The following FAM53B variants were observed in gnomAD, a reference collection of about 807,000 sequenced individuals.
The protein encoded by FAM53B is family with sequence similarity 53 member B, also known as protein FAM53B.
FAM53B carries 12 observed loss-of-function variants against 32.7 expected under a neutral mutation model. The observed-to-expected ratio is 0.37, with a 90% CI of 0.24 to 0.59. The LOEUF (loss-of-function observed/expected upper bound fraction) is 0.59, where lower values mean the gene tolerates loss of function less well. Ranked by LOEUF, FAM53B falls within the 20% of genes least tolerant of loss-of-function variation. The pLI is 0.72. For missense variants in FAM53B, 477 were observed against 577.7 expected (o/e 0.83, Z 1.79); for synonymous variants, 234 against 228.7 (o/e 1.02, Z -0.21).
intron 1 of FAM53B, among the ~76,000 whole-genome samples, chr10:124,728,819 G>A (rs759684095): frequency 8.5e-5 from 13 of 152,220 alleles, no homozygotes; most frequent in Non-Finnish European, 1.5e-4. Flanking sequence ...TGATAAAAAT[G>A]TCATCAGGGA....
chr10:124,676,086 G>A (rs1266560236), intron 4 of FAM53B, among the ~76,000 whole-genome samples: 3 of 152,210 alleles, frequency 2.0e-5, no homozygotes, highest in Non-Finnish European at 4.4e-5. Flanking sequence ...CCTAAACTCT[G>A]ACAGCCCAGG....
chr10:124,738,803 GA>G (rs554850382), intron 1 of FAM53B, among the ~76,000 whole-genome samples: 6 of 151,478 alleles, frequency 4.0e-5, no homozygotes, highest in East Asian at 1.9e-4. Flanking sequence ...AATGCAAAAA[GA>G]AAAAAAAGTT....
intron 4 of FAM53B, among the ~76,000 whole-genome samples, chr10:124,661,868 G>T (rs1456793671): frequency 6.6e-6 from 1 of 152,226 alleles, no homozygotes; most frequent in Non-Finnish European, 1.5e-5. Flanking sequence ...GGCTCTGACG[G>T]CTGGCCTAGC....
intron 2 of FAM53B, among the ~76,000 whole-genome samples, chr10:124,705,259 C>CAGAG (rs1949945959): frequency 6.6e-6 from 1 of 152,154 alleles, no homozygotes; most frequent in Admixed American, 6.5e-5. Context: ...AGGCAACAGG[C>CAGAG]AGAGGCCTGA....
At chr10:124,648,475 T>G (rs538208052) in intron 4 of FAM53B, among the ~76,000 whole-genome samples, 1 of 152,202 alleles carries the variant, frequency 6.6e-6, no homozygotes, top group Non-Finnish European at 1.5e-5. Context: ...TCCCCGCTCC[T>G]TGGGAGCCTC....
chr10:124,646,115 T>C (rs966210606), intron 4 of FAM53B, among the ~76,000 whole-genome samples: 7 of 152,178 alleles, frequency 4.6e-5, no homozygotes, highest in Admixed American at 3.3e-4. Context: ...TGAGGACCAC[T>C]TGTCATGACT....
At chr10:124,644,398 C>G (rs1246470453) in intron 4 of FAM53B, among the ~76,000 whole-genome samples, 1 of 152,196 alleles carries the variant, frequency 6.6e-6, no homozygotes, top group Non-Finnish European at 1.5e-5. Flanking sequence ...CCAATTAGAA[C>G]CCCCAGAGAC....
At chr10:124,712,509 A>G (rs1181534955) in intron 1 of FAM53B, among the ~76,000 whole-genome samples, 1 of 152,192 alleles carries the variant, frequency 6.6e-6, no homozygotes, top group Non-Finnish European at 1.5e-5. Flanking sequence ...CACAAGTAGC[A>G]ATCGTGGGCC....
At chr10:124,703,347 C>T (rs569527741) in intron 2 of FAM53B, among the ~76,000 whole-genome samples, 82 of 152,270 alleles carry the variant, frequency 5.4e-4, no homozygotes, top group African/African-American at 1.8e-3. Flanking sequence ...CATGCCTGGC[C>T]GGTGCCATAC....
chr10:124,622,892 C>A lies in FAM53B; in HGVS notation c.*350G>T. On this transcript the variant is annotated 3_prime_UTR_variant, in exon 5 of 5. Coordinates refer to ENST00000337318, the MANE Select transcript of FAM53B (RefSeq NM_014661.4). ...GACAGCCCCCACCACCAGGGGGATA[C>A]AGAGCGGTGCCCAGCTCTGCCGGGG... The A allele has an allele frequency of 5.0e-6, 1 of 198,410 alleles. No homozygotes were observed. 12.3% of individuals were successfully genotyped at this position (198,410 alleles called of 1,614,324 possible).
At position 124,729,390 on chromosome 10, in the gene FAM53B, C is replaced by G. The variant is rs532595498; in HGVS notation, c.-175+14623G>C. 2.2e-3 allele frequency among the ~76,000 whole-genome samples: 333 copies of G among 152,318 alleles called. 4 individuals are homozygous for G. The highest frequency in any genetic ancestry group is 0.02 in the South Asian group (97 of 4,826). ...AAGGCTATTCTTTTCCCTTTTAAAG[C>G]ATGTGGGGAAAAAATTTTCCACGTA... On this transcript the variant is annotated intron_variant, in intron 1 of 4. Coordinates refer to ENST00000337318, the MANE Select transcript of FAM53B (RefSeq NM_014661.4).
In FAM53B at chr10:124,682,153, G is replaced by A. The variant is rs770909908; in HGVS notation, c.360C>T (p.Ser120=). 13 of 1,613,368 alleles carry A rather than the reference G, an allele frequency of 8.1e-6. No homozygotes were observed. The highest frequency in any genetic ancestry group is 1.6e-4 in the Middle Eastern group (1 of 6,082). The change falls in exon 4 of 5, where the codon TCC becomes TCT. Residue 120 remains serine (S), a synonymous_variant. Coordinates refer to ENST00000337318, the MANE Select transcript of FAM53B (RefSeq NM_014661.4). The surrounding 1 kb of genome is among the most constrained non-coding windows in gnomAD (Gnocchi z 5.2). ...ATGTCCGGCAACTGGACATCTCATCGGAGAAGGACAGTGAGCGGCACTGGC... is the reference window on the plus strand; with the variant it reads ...ATGTCCGGCAACTGGACATCTCATCAGAGAAGGACAGTGAGCGGCACTGGC... The part of the protein sequence containing the change: ...SKRQCRSLSF[S]DEMSSCRTSW...
At chr10:124,623,689 C>T (rs1949327591) in intron 4 of FAM53B, 85 bp from the exon 5 acceptor site, 2 of 1,453,378 alleles carry the variant, frequency 1.4e-6, no homozygotes, top group Admixed American at 2.4e-5. Flanking sequence ...GCAACTAGAC[C>T]ACCAGGCTGT....
At chr10:124,710,637 C>A (rs7080563) in intron 1 of FAM53B, among the ~76,000 whole-genome samples, 10 of 152,226 alleles carry the variant, frequency 6.6e-5, no homozygotes, top group African/African-American at 2.4e-4. Context: ...GAGGTGGAAG[C>A]CTCGCAAAGC....
intron 4 of FAM53B, among the ~76,000 whole-genome samples, chr10:124,657,567 T>C (rs918364453): frequency 6.6e-6 from 1 of 152,218 alleles, no homozygotes; most frequent in African/African-American, 2.4e-5. Flanking sequence ...TTCCAAACTA[T>C]ATTTTTTCTC....
chr10:124,623,163 C>A lies in FAM53B; in HGVS notation c.*79G>T. 6.7e-7 allele frequency: 1 copy of A among 1,487,762 alleles called. No homozygotes were observed. The highest frequency in any genetic ancestry group is 1.4e-5 in the South Asian group (1 of 73,618). 92.2% of individuals were successfully genotyped at this position (1,487,762 alleles called of 1,614,324 possible). A position where few individuals can be genotyped will look rare whatever the true frequency, so the allele number is the denominator to read the frequency against. The stretch of plus-strand genomic sequence containing the variant: ...TCATCAGGCCCACGAGTTGGGCTCC[C>A]CTTCAAGGGCCCACCTAGTGCCCAG... On this transcript the variant is annotated 3_prime_UTR_variant, in exon 5 of 5. Coordinates refer to ENST00000337318, the MANE Select transcript of FAM53B (RefSeq NM_014661.4).
At position 124,619,426 on chromosome 10, in the gene FAM53B, C is replaced by G. The variant is rs929042366; in HGVS notation, c.*3816G>C. The G allele has an allele frequency of 2.0e-5, 3 of 152,464 alleles. No individual in the cohort carries two copies. Among genetic ancestry groups the G allele is most frequent in the African/African-American group, 7.2e-5 (3 of 41,420 alleles). 9.4% of individuals were successfully genotyped at this position (152,464 alleles called of 1,614,324 possible). A position where few individuals can be genotyped will look rare whatever the true frequency, so the allele number is the denominator to read the frequency against. ...TGCAGGGGCGGGCAGACCCTGGGCCCCGGGTCTACGCTTTCTGGTCGCCAC... is the reference window on the plus strand; with the variant it reads ...TGCAGGGGCGGGCAGACCCTGGGCCGCGGGTCTACGCTTTCTGGTCGCCAC... On this transcript the variant is annotated 3_prime_UTR_variant, in exon 5 of 5. Coordinates refer to ENST00000337318, the MANE Select transcript of FAM53B (RefSeq NM_014661.4).
rs758446507 is a variant in FAM53B at position 124,681,737 on chromosome 10, C to T, written c.776G>A (p.Arg259His). The T allele has an allele frequency of 2.5e-6, 4 of 1,609,980 alleles. No homozygotes were observed. The highest frequency in any genetic ancestry group is 2.5e-6 in the Non-Finnish European group (3 of 1,178,332). The stretch of plus-strand genomic sequence containing the variant: ...GCGGCTGCGGGAAAGGCCGCTGGAG[C>T]GTCTCGCCAGCTCTGGTGTTGAGGC... Reference protein sequence around the residue: ...TPASTPELARRSSGLSRSRSQ... With the variant: ...TPASTPELARHSSGLSRSRSQ... Residue 259 changes from arginine (R) to histidine (H), a missense_variant, in exon 4 of 5, where the codon CGC becomes CAC. Physicochemically the swap from Arg to His is conservative, Grantham distance 29. Around this residue, in one of 2 missense-constraint regions of FAM53B, gnomAD observed 312 missense variants for 420.2 expected, o/e 0.74. Transcript: ENST00000337318.
At chr10:124,675,429 C>A (rs542408330) in intron 4 of FAM53B, among the ~76,000 whole-genome samples, 35 of 152,234 alleles carry the variant, frequency 2.3e-4, no homozygotes, top group Non-Finnish European at 4.4e-4. Context: ...GGGTGTGGGG[C>A]GAGCTACCAT....
Sources: gnomAD v4.1 joint callset for allele counts (sites outside exome capture counted in the v4.1 genomes callset) on GRCh38, gnomAD v4.1.1 for gene constraint, gnomAD v4.1.1 regional missense constraint, Gnocchi (gnomAD v3.1) non-coding constraint, MANE v1.5 for transcripts, NCBI Gene and HGNC (gene_info 2026-07-23, HGNC 2026-07-21) for gene names.